Variants in DEFB110 observed in about 807,000 individuals in gnomAD.
DEFB110 encodes the protein beta-defensin 110.
DEFB110 carries 4 observed loss-of-function variants against 2.5 expected under a neutral mutation model. The ratio of observed to expected loss-of-function variants is 1.60; its 90% CI spans 0.79 to 3.66. The LOEUF (loss-of-function observed/expected upper bound fraction) is 3.66. Among genes scored for constraint, DEFB110 ranks in the 30% most tolerant of loss-of-function variants. DEFB110 has a pLI of 0.01. For synonymous variants in DEFB110, 29 were observed against 21.8 expected (o/e 1.33, Z -0.92); for missense variants, 94 against 75.4 (o/e 1.25, Z -0.91).
chr6:50,021,245 T>C (rs1197973169), intron 1 of DEFB110, among the ~76,000 whole-genome samples: 2 of 152,144 alleles, frequency 1.3e-5, no homozygotes, highest in African/African-American at 2.4e-5. Context: ...GGCTGTTCCA[T>C]GCATTGTAGG....
In DEFB110 at chr6:50,012,107, C is replaced by A. The variant is rs539803062; in HGVS notation, c.56-2836G>T. On this transcript the variant is annotated intron_variant, in intron 1 of 1. Coordinates refer to the DEFB110 transcript ENST00000393660. ...TAAGCCTTCAAAGTCAGGTTATTCT[C>A]ATTTCCTTTGTCTTTATTTGCCTTT... Among the ~76,000 whole-genome samples the A allele has an allele frequency of 4.9e-4, 75 of 152,130 alleles. No individual in the cohort carries two copies. The South Asian group carries it at 0.015, about 29-fold the overall frequency.
downstream of DEFB110, among the ~76,000 whole-genome samples, chr6:50,014,497 T>A (rs1161825203): frequency 1.3e-5 from 2 of 151,762 alleles, no homozygotes; most frequent in Non-Finnish European, 2.9e-5. Context: ...GTTGGTAAAA[T>A]TTTTAAGAAT....
chr6:50,020,656 G>C (rs146444104), intron 1 of DEFB110, among the ~76,000 whole-genome samples: 1 of 152,256 alleles, frequency 6.6e-6, no homozygotes, highest in East Asian at 1.9e-4. Context: ...CATAGACTCA[G>C]AGCTACATTA....
Position 50,018,975 on chromosome 6 carries a change from C to A in DEFB110, c.*2G>T, listed in dbSNP as rs144223291. 1.2e-6 allele frequency: 2 copies of A among 1,607,612 alleles called. No individual in the cohort carries two copies. The highest frequency in any genetic ancestry group is 1.7e-6 in the Non-Finnish European group (2 of 1,177,466). On this transcript the variant is annotated 3_prime_UTR_variant, in exon 2 of 2. Coordinates refer to ENST00000371148, the MANE Select transcript of DEFB110 (RefSeq NM_001037497.2). ...GCTTGTGACTCTTTTCTTCTGTCAT[C>A]GTTACTGCTGCAAGCAGCAATGAGT...
At position 50,010,485 on chromosome 6, in the gene DEFB110, G is replaced by A. The variant is rs567104662; in HGVS notation, c.56-1214C>T. Among the ~76,000 whole-genome samples the A allele has an allele frequency of 4.0e-5, 6 of 151,130 alleles. No homozygotes were observed. The South Asian group carries it at 1.0e-3, about 26-fold the overall frequency. ...TGAAGTTGGTAGAAAATAATTAAAC[G>A]TAAGATGGAAGAGACTGTCAGGTGG... On this transcript the variant is annotated intron_variant, in intron 1 of 1. Transcript: ENST00000393660.
Position 50,021,872 on chromosome 6 carries a change from G to C in DEFB110, c.55+9C>G, listed in dbSNP as rs1354255107. ...TTAGTATAAATCCCCACAAATATTT[G>C]CATATTACCTGGTAAAATTGTGACC... is the stretch of plus-strand genomic sequence containing the variant. On this transcript the variant is annotated intron_variant, in intron 1 of 1. Coordinates refer to ENST00000371148, the MANE Select transcript of DEFB110 (RefSeq NM_001037497.2). 2 of 1,555,182 alleles carry C rather than the reference G, an allele frequency of 1.3e-6. No individual in the cohort carries two copies. Among genetic ancestry groups the C allele is most frequent in the Non-Finnish European group, 1.7e-6 (2 of 1,158,758 alleles).
chr6:50,018,989 G>A lies in DEFB110; in HGVS notation c.192C>T (p.Cys64=), dbSNP rs757246675. The change falls in exon 2 of 2, where the codon TGC becomes TGT. Residue 64 remains cysteine, a synonymous_variant. Coordinates refer to ENST00000371148, the MANE Select transcript of DEFB110 (RefSeq NM_001037497.2). ...AYCIRPGTHC[C]LQQ is the part of the protein sequence containing the mutation. ...TCTTCTGTCATCGTTACTGCTGCAA[G>A]CAGCAATGAGTTCCAGGTCTTATGC... is the stretch of plus-strand genomic sequence containing the variant. 3.0e-5 allele frequency: 49 copies of A among 1,610,818 alleles called. No individual in the cohort carries two copies. Among genetic ancestry groups the A allele is most frequent in the African/African-American group, 4.0e-5 (3 of 74,764 alleles).
chr6:50,013,541 AT>A (rs916632276), intron 1 of DEFB110, among the ~76,000 whole-genome samples: 3 of 151,588 alleles, frequency 2.0e-5, no homozygotes, highest in African/African-American at 7.3e-5. Flanking sequence ...CATCTTTTCA[AT>A]TTTTTTTCTC....
intron 1 of DEFB110, among the ~76,000 whole-genome samples, chr6:50,011,041 G>A (rs1336353324): frequency 1.3e-5 from 2 of 151,692 alleles, no homozygotes; most frequent in Non-Finnish European, 2.9e-5. Context: ...TGTAAAATTG[G>A]TTCTATTGCT....
intron 1 of DEFB110, among the ~76,000 whole-genome samples, chr6:50,013,573 A>T (rs1026795303): frequency 2.0e-5 from 3 of 151,792 alleles, no homozygotes; most frequent in Non-Finnish European, 2.9e-5. Flanking sequence ...GGAAATAGAG[A>T]AATTTTTGTA....
chr6:50,020,194 T>C (rs149849102), intron 1 of DEFB110, among the ~76,000 whole-genome samples: 3 of 152,096 alleles, frequency 2.0e-5, no homozygotes, highest in African/African-American at 7.2e-5. Flanking sequence ...AACTTTGTAA[T>C]AGTCAAAGCT....
chr6:50,021,204 C>A (rs748605368), intron 1 of DEFB110, among the ~76,000 whole-genome samples: 2 of 152,112 alleles, frequency 1.3e-5, no homozygotes, highest in South Asian at 4.1e-4. Context: ...CAATATTGAT[C>A]TTTTGAATAG....
downstream of DEFB110, among the ~76,000 whole-genome samples, chr6:50,018,371 C>T (rs956272827): frequency 1.3e-5 from 2 of 151,946 alleles, no homozygotes; most frequent in Non-Finnish European, 2.9e-5. Flanking sequence ...TACTACCTCT[C>T]ATTTCTTGAT....
In DEFB110 at chr6:50,013,558, A is replaced by G. The variant is rs994494795; in HGVS notation, c.56-4287T>C. ...TCTTTTCAATTTTTTTTCTCTTTTA[A>G]GGGAGGAAATAGAGAAATTTTTGTA... On this transcript the variant is annotated intron_variant, in intron 1 of 1. Transcript: ENST00000393660. Among the ~76,000 whole-genome samples, 66 of 151,914 alleles carry G rather than the reference A, an allele frequency of 4.3e-4. 1 individual carries two copies. The highest frequency in any genetic ancestry group is 1.5e-3 in the African/African-American group (63 of 41,518).
At chr6:50,016,194 T>C (rs901521040), downstream of DEFB110, among the ~76,000 whole-genome samples, 4 of 151,852 alleles carry the variant, frequency 2.6e-5, no homozygotes, top group African/African-American at 9.7e-5. Context: ...GAGTCTAATT[T>C]CTTTCTTCCT....
chr6:50,021,729 T>A (rs1199277878), intron 1 of DEFB110, 152 bp downstream of exon 1: 4 of 698,722 alleles, frequency 5.7e-6, no homozygotes, highest in Non-Finnish European at 8.9e-6. Context: ...ATTGTCTTTA[T>A]TATCTGTTCT....
intron 1 of DEFB110, among the ~76,000 whole-genome samples, chr6:50,019,831 G>A (rs188196665): frequency 2.6e-5 from 4 of 151,910 alleles, no homozygotes; most frequent in Admixed American, 2.0e-4. Context: ...CTTTTGACTA[G>A]GAATCAATAA....
chr6:50,019,270 C>T, intron 1 of DEFB110, 145 bp from the exon 2 acceptor site: 1 of 817,280 alleles, frequency 1.2e-6, no homozygotes, highest in Non-Finnish European at 1.9e-6. Context: ...TTTACTGTCC[C>T]TTGGTACAAG....
chr6:50,009,300 T>A, intron 1 of DEFB110: 1 of 1,577,408 alleles, frequency 6.3e-7, no homozygotes, highest in Non-Finnish European at 8.5e-7. Flanking sequence ...TCTAAAGTTA[T>A]TAGTCTATTA....
Sources: allele counts gnomAD v4.1 joint callset (sites outside exome capture counted in the v4.1 genomes callset), GRCh38; gene constraint gnomAD v4.1.1; transcripts MANE v1.5; gene names NCBI Gene and HGNC (gene_info 2026-07-23, HGNC 2026-07-21).